The following UBE2N variants were observed in gnomAD, a reference collection of about 807,000 sequenced individuals.
UBE2N encodes ubiquitin conjugating enzyme E2 N, also known as ubiquitin-conjugating enzyme E2 N.
For synonymous variants in UBE2N, 70 were observed against 69.2 expected, an observed-to-expected ratio of 1.01 and a Z score of -0.06; for missense variants, 60 against 192.1, an observed-to-expected ratio of 0.31 and a Z score of 4.07.
At chr12:93,429,684 T>A (rs184922793) in intron 1 of UBE2N, among the ~76,000 whole-genome samples, 1 of 152,162 alleles carries the variant, frequency 6.6e-6, no homozygotes, top group Non-Finnish European at 1.5e-5. Context: ...CCTGAAGACC[T>A]TCGAGTAGGA....
intron 1 of UBE2N, among the ~76,000 whole-genome samples, chr12:93,424,761 C>T (rs1360759055): frequency 6.6e-6 from 1 of 152,162 alleles, no homozygotes; most frequent in Admixed American, 6.5e-5. Flanking sequence ...TTATTATTAC[C>T]TAACCCATGG....
At chr12:93,439,818 A>T (rs1313871008) in intron 1 of UBE2N, among the ~76,000 whole-genome samples, 1 of 152,228 alleles carries the variant, frequency 6.6e-6, no homozygotes, top group Non-Finnish European at 1.5e-5. Context: ...AACCCAAATC[A>T]AGGTGTCATT....
intron 1 of UBE2N, among the ~76,000 whole-genome samples, chr12:93,426,743 C>T (rs936443994): frequency 6.6e-6 from 1 of 152,164 alleles, no homozygotes; most frequent in African/African-American, 2.4e-5. Flanking sequence ...TTTCCTTCTA[C>T]ACTTTTGTGA....
At chr12:93,441,319 T>C (rs964136561) in intron 1 of UBE2N, 2 of 152,016 alleles carry the variant, frequency 1.3e-5, no homozygotes, top group African/African-American at 4.8e-5. Flanking sequence ...CCAGAGCCAC[T>C]TCCCGGGGCG....
chr12:93,437,784 G>A (rs535400188), intron 1 of UBE2N, among the ~76,000 whole-genome samples: 36 of 152,010 alleles, frequency 2.4e-4, no homozygotes, highest in African/African-American at 8.5e-4. Context: ...GGGAGACTCC[G>A]TCTCAACAAA....
intron 1 of UBE2N, among the ~76,000 whole-genome samples, chr12:93,436,351 G>C (rs555179658): frequency 3.3e-5 from 5 of 152,160 alleles, no homozygotes; most frequent in Non-Finnish European, 7.3e-5. Flanking sequence ...GGATCCTCCC[G>C]CCTCAGCCTC....
intron 1 of UBE2N, among the ~76,000 whole-genome samples, chr12:93,411,540 AAT>A (rs749674991): frequency 7.9e-5 from 12 of 152,224 alleles, no homozygotes; most frequent in Non-Finnish European, 1.2e-4. Context: ...AATGTCTACA[AAT>A]ATGTTAATAA....
At chr12:93,428,066 G>A (rs1386851369) in intron 1 of UBE2N, among the ~76,000 whole-genome samples, 1 of 152,038 alleles carries the variant, frequency 6.6e-6, no homozygotes, top group African/African-American at 2.4e-5. Flanking sequence ...CTACAGACAT[G>A]TGCCACCACA....
intron 1 of UBE2N, chr12:93,441,096 TTG>T (rs1232527059): frequency 1.3e-5 from 2 of 152,968 alleles, no homozygotes; most frequent in Non-Finnish European, 2.9e-5. Flanking sequence ...TCCCCCAGCC[TTG>T]TGTTAAAACT....
At chr12:93,418,567 T>G (rs1878296845) in intron 1 of UBE2N, among the ~76,000 whole-genome samples, 1 of 143,072 alleles carries the variant, frequency 7.0e-6, no homozygotes, top group South Asian at 2.1e-4. Context: ...AGAACCAAAG[T>G]TTTGCTCAAG....
chr12:93,441,823 G>A (rs776129185), intron 1 of UBE2N, 32 bp downstream of exon 1: 1 of 1,580,324 alleles, frequency 6.3e-7, no homozygotes, highest in Non-Finnish European at 8.6e-7. Flanking sequence ...CGAGAGCAGA[G>A]CGAAGAGCTG....
At chr12:93,421,392 C>T (rs994346535) in intron 1 of UBE2N, among the ~76,000 whole-genome samples, 40 of 152,032 alleles carry the variant, frequency 2.6e-4, no homozygotes, top group African/African-American at 9.4e-4. Context: ...TTAGTAGAGA[C>T]GGAGTTTCAC....
intron 1 of UBE2N, among the ~76,000 whole-genome samples, chr12:93,428,002 A>T (rs1878646494): frequency 6.6e-6 from 1 of 152,020 alleles, no homozygotes; most frequent in Admixed American, 6.6e-5. Flanking sequence ...TGCCGCCTCA[A>T]CCTCCCAGGC....
At chr12:93,441,524 G>C (rs1879108441) in intron 1 of UBE2N, among the ~76,000 whole-genome samples, 1 of 152,006 alleles carries the variant, frequency 6.6e-6, no homozygotes, top group Non-Finnish European at 1.5e-5. Flanking sequence ...GGTGGTCTCA[G>C]AAGCTATGGA....
intron 1 of UBE2N, among the ~76,000 whole-genome samples, chr12:93,428,489 C>G (rs762256008): frequency 3.9e-5 from 6 of 152,146 alleles, no homozygotes; most frequent in Non-Finnish European, 5.9e-5. Flanking sequence ...CCAGGCCAGT[C>G]TGTCACTTCT....
chr12:93,417,635 T>C (rs1174488846), intron 1 of UBE2N, among the ~76,000 whole-genome samples: 1 of 152,232 alleles, frequency 6.6e-6, no homozygotes, highest in African/African-American at 2.4e-5. Flanking sequence ...ATATCAACTG[T>C]AGATCTTTTA....
At chr12:93,423,140 C>G (rs2121076555) in intron 1 of UBE2N, among the ~76,000 whole-genome samples, 1 of 152,350 alleles carries the variant, frequency 6.6e-6, no homozygotes. Flanking sequence ...TCACACCGCA[C>G]ACACTGTAGA....
intron 1 of UBE2N, among the ~76,000 whole-genome samples, chr12:93,417,398 C>T (rs1878252201): frequency 6.6e-6 from 1 of 152,116 alleles, no homozygotes; most frequent in East Asian, 1.9e-4. Flanking sequence ...AATTTGTGCT[C>T]AGTACGAAGC....
rs748443536 is a variant in UBE2N at position 93,410,855 on chromosome 12, C to T, written c.297G>A (p.Leu99=). 2.2e-4 allele frequency: 351 copies of T among 1,614,004 alleles called. 3 individuals carry two copies. The Admixed American group carries it at 5.8e-3, about 27-fold the overall frequency. The part of the protein sequence containing the change: ...DILKDKWSPA[L]QIRTVLLSIQ... ...TCGATAGCAGAACTGTGCGGATCTG[C>T]AGTGCTGGGGACCACTTATCTATGA... is the stretch of plus-strand genomic sequence containing the variant. The change falls in exon 3 of 4, where the codon CTG becomes CTA. Residue 99 remains leucine, a synonymous_variant. Transcript: ENST00000318066.
Sources: gnomAD v4.1 joint callset for allele counts (sites outside exome capture counted in the v4.1 genomes callset) on GRCh38, gnomAD v4.1.1 for gene constraint, MANE v1.5 for transcripts, NCBI Gene and HGNC (gene_info 2026-07-23, HGNC 2026-07-21) for gene names.